The following GRIA3 variants were observed in gnomAD, a reference collection of about 807,000 sequenced individuals.
GRIA3 encodes glutamate receptor 3.
In GRIA3, 3 loss-of-function variants were observed where a neutral mutation model predicts 63.0. The ratio of observed to expected loss-of-function variants is 0.05; its 90% CI spans 0.02 to 0.12. The LOEUF (loss-of-function observed/expected upper bound fraction) is 0.12. Ranked by LOEUF, GRIA3 falls within the 10% of genes least tolerant of loss-of-function variation. The pLI is 1.00. For synonymous variants in GRIA3, 274 were observed against 257.9 expected (o/e 1.06, Z -0.60); for missense variants, 347 against 700.9 (o/e 0.50, Z 5.70).
At chrX:123,419,806 C>A (rs1158968074) in intron 11 of GRIA3, among the ~76,000 whole-genome samples, 1 of 111,442 alleles carries the variant, frequency 9.0e-6, no homozygotes, top group Non-Finnish European at 1.9e-5. Flanking sequence ...TAGTCCTAGG[C>A]CTGCCAGGAT....
intron 3 of GRIA3, among the ~76,000 whole-genome samples, chrX:123,289,498 G>T (rs1354603065): frequency 9.1e-6 from 1 of 109,746 alleles, no homozygotes; most frequent in African/African-American, 3.3e-5. Context: ...TACAGACCAA[G>T]TGAATCAGAA....
chrX:123,243,879 T>A (rs1201135079), intron 2 of GRIA3, among the ~76,000 whole-genome samples: 1 of 111,780 alleles, frequency 8.9e-6, no homozygotes, highest in South Asian at 3.8e-4. Flanking sequence ...ATTATCTCGA[T>A]ATAAAAGGGC....
intron 2 of GRIA3, among the ~76,000 whole-genome samples, chrX:123,212,747 T>C (rs1398585018): frequency 1.8e-5 from 2 of 112,434 alleles, no homozygotes; most frequent in Non-Finnish European, 3.8e-5. Context: ...AAATGATGGG[T>C]AATAATATCA....
In GRIA3 at chrX:123,468,286, C is replaced by G. The variant is rs181284504; in HGVS notation, c.2324+3174C>G. On this transcript the variant is annotated intron_variant, in intron 13 of 15. Transcript: ENST00000620443. The stretch of plus-strand genomic sequence containing the variant: ...TGGTTACCACTACGTATTAGTGATG[C>G]AAAAAAAAAAAATCAATGGAGAAGG... Among the ~76,000 whole-genome samples the G allele has an allele frequency of 7.7e-3, 729 of 94,934 alleles. 9 individuals are homozygous for G. The highest frequency in any genetic ancestry group is 0.026 in the African/African-American group (673 of 26,085). 82.4% of individuals were successfully genotyped at this position (94,934 alleles called of 115,157 possible). A position where few individuals can be genotyped will look rare whatever the true frequency, so the allele number is the denominator to read the frequency against.
intron 13 of GRIA3, among the ~76,000 whole-genome samples, chrX:123,466,143 ATGAAAAATCAGATCCATCTAC>A (rs2045832435): frequency 8.9e-6 from 1 of 111,908 alleles, no homozygotes; most frequent in Non-Finnish European, 1.9e-5. Context: ...GTTGAGTGGT[ATGAAAAATCAGATCCATCTAC>A]TGAAAAATCA....
At chrX:123,294,890 G>T (rs1181557602) in intron 3 of GRIA3, among the ~76,000 whole-genome samples, 1 of 111,801 alleles carries the variant, frequency 8.9e-6, no homozygotes, top group East Asian at 2.8e-4. Flanking sequence ...TAGCTTTACT[G>T]CAGAAGGAAC....
chrX:123,479,467 C>T lies in GRIA3; in HGVS notation c.2325-596C>T, dbSNP rs189915940. On this transcript the variant is annotated intron_variant, in intron 13 of 15. Transcript: ENST00000620443. ...CGACTACATGTTTGTGGAGTAAGAA[C>T]ATGTACGTGGTACAGTTCTTTCTGA... is the stretch of plus-strand genomic sequence containing the variant. Among the ~76,000 whole-genome samples, 735 of 112,384 alleles carry T rather than the reference C, an allele frequency of 6.5e-3. 5 individuals carry two copies. The highest frequency in any genetic ancestry group is 0.025 in the South Asian group (66 of 2,673).
chrX:123,485,589 T>G (rs2045935953), intron 15 of GRIA3, among the ~76,000 whole-genome samples: 1 of 111,520 alleles, frequency 9.0e-6, no homozygotes, highest in African/African-American at 3.3e-5. Context: ...ACAAAAAAAG[T>G]CTTGAGAAAC....
rs768379699 is a variant in GRIA3, at chrX:123,417,791, G to A, written c.1877+13G>A. On this transcript the variant is annotated intron_variant, in intron 11 of 15. Transcript: ENST00000620443. ...ATATTTCTCCAAGGTTTGTTTTTGT[G>A]GCATACTCAATGCCTCATTGCATTT... 7.7e-6 allele frequency: 9 copies of A among 1,175,818 alleles called. No individual in the cohort carries two copies. In the East Asian group the frequency reaches 2.1e-4, roughly 27 times the overall value.
intron 11 of GRIA3, among the ~76,000 whole-genome samples, chrX:123,425,956 T>A (rs906523520): frequency 9.0e-6 from 1 of 111,542 alleles, no homozygotes; most frequent in African/African-American, 3.3e-5. Context: ...AGAAAAAGGT[T>A]ACCTTGGGAC....
chrX:123,473,530 C>A (rs1403919554), intron 13 of GRIA3, among the ~76,000 whole-genome samples: 1 of 111,578 alleles, frequency 9.0e-6, no homozygotes, highest in East Asian at 2.8e-4. Context: ...CCAGAGAATG[C>A]TAGAGAAGCA....
At chrX:123,342,181 G>GC (rs1387076851) in intron 4 of GRIA3, among the ~76,000 whole-genome samples, 50 of 111,824 alleles carry the variant, frequency 4.5e-4, no homozygotes, top group African/African-American at 1.6e-3. Context: ...CCCAATCAGC[G>GC]CCCCCTGCTT....
At position 123,236,791 on chromosome X, in the gene GRIA3, T is replaced by C. The variant is rs184731391; in HGVS notation, c.269-16512T>C. ...CGAAATAGAACTAGAGAATTCCTCA[T>C]CTCAGAACAAATTTATGTCATCAGC... is the stretch of plus-strand genomic sequence containing the variant. On this transcript the variant is annotated intron_variant, in intron 2 of 15. Coordinates refer to ENST00000620443, the MANE Select transcript of GRIA3 (RefSeq NM_007325.5). Among the ~76,000 whole-genome samples, 582 of 111,923 alleles carry C rather than the reference T, an allele frequency of 5.2e-3. 3 individuals carry two copies. The highest frequency in any genetic ancestry group is 9.0e-3 in the Non-Finnish European group (478 of 53,153).
chrX:123,333,875 T>G (rs1454936523), intron 4 of GRIA3, among the ~76,000 whole-genome samples: 1 of 111,121 alleles, frequency 9.0e-6, no homozygotes, highest in African/African-American at 3.3e-5. Flanking sequence ...GGTGGTTCCC[T>G]TTTTTCCCCT....
chrX:123,235,060 TC>T (rs2044295242), intron 2 of GRIA3, among the ~76,000 whole-genome samples: 1 of 111,534 alleles, frequency 9.0e-6, no homozygotes, highest in African/African-American at 3.3e-5. Context: ...AGTAATAAAA[TC>T]TAAAATTTGG....
intron 2 of GRIA3, among the ~76,000 whole-genome samples, chrX:123,225,079 T>C (rs753041168): frequency 2.7e-5 from 3 of 112,059 alleles, no homozygotes; most frequent in Non-Finnish European, 5.6e-5. Context: ...GCCACAGACT[T>C]CATGTTTAAT....
At chrX:123,455,616 T>C (rs1005861524) in intron 12 of GRIA3, among the ~76,000 whole-genome samples, 2 of 112,080 alleles carry the variant, frequency 1.8e-5, no homozygotes, top group African/African-American at 6.5e-5. Flanking sequence ...TAAGGGCCTA[T>C]AGCAGGGTTA....
At chrX:123,301,588 G>A (rs1249874290) in intron 3 of GRIA3, among the ~76,000 whole-genome samples, 6 of 111,466 alleles carry the variant, frequency 5.4e-5, no homozygotes, top group Non-Finnish European at 1.9e-5. Flanking sequence ...ATAAATGTCA[G>A]ATGCTACTAT....
At chrX:123,393,963 G>A (rs1221188116) in intron 5 of GRIA3, among the ~76,000 whole-genome samples, 1 of 112,349 alleles carries the variant, frequency 8.9e-6, no homozygotes, top group Non-Finnish European at 1.9e-5. Context: ...AGCTGGCAGA[G>A]CTCACATGGA....
Sources: gnomAD v4.1 joint callset for allele counts (sites outside exome capture counted in the v4.1 genomes callset) on GRCh38, gnomAD v4.1.1 for gene constraint, MANE v1.5 for transcripts, NCBI Gene and HGNC (gene_info 2026-07-23, HGNC 2026-07-21) for gene names.